Variants in ARHGAP29 observed in about 807,000 individuals in gnomAD.
The protein encoded by ARHGAP29 is rho GTPase-activating protein 29.
In ARHGAP29, 43 loss-of-function variants were observed where a neutral mutation model predicts 122.6. The observed-to-expected ratio is 0.35, with a 90% CI of 0.27 to 0.45. ARHGAP29 has a LOEUF of 0.45. Among genes scored for constraint, ARHGAP29 ranks in the 20% least tolerant of loss-of-function variants. The pLI, the probability that ARHGAP29 is intolerant of heterozygous loss-of-function variation, is 1.00. For missense variants in ARHGAP29, 1,303 were observed against 1,477.2 expected (o/e 0.88, Z 1.93); for synonymous variants, 506 against 497.1 (o/e 1.02, Z -0.24).
rs773448719 is a variant in ARHGAP29, at chr1:94,177,870, T to G, written c.2778A>C (p.Leu926=). 2 of 1,608,350 alleles carry G rather than the reference T, an allele frequency of 1.2e-6. No homozygotes were observed. The highest frequency in any genetic ancestry group is 1.7e-6 in the Non-Finnish European group (2 of 1,178,280). Residue 926 remains leucine (L), a synonymous_variant, in exon 21 of 23, where the codon CTA becomes CTC. Transcript: ENST00000260526. The part of the protein sequence containing the change: ...ERDIERSMKS[L]FFSSKEDIHT... ...AACTCACTTCCTTTGAAGAAAAAAA[T>G]AGTGACTTCATGGAACGTTCAATGT...
At chr1:94,289,024 A>T in the ARHGAP29 span, among the ~76,000 whole-genome samples, 1 of 152,202 alleles carries the variant, frequency 6.6e-6, no homozygotes, top group Non-Finnish European at 1.5e-5. Flanking sequence ...CAATTATGTG[A>T]AGAAAGACAG....
chr1:94,243,267 A>T (rs368861768), intron 1 of ARHGAP29, among the ~76,000 whole-genome samples: 45 of 152,194 alleles, frequency 3.0e-4, no homozygotes, highest in African/African-American at 9.9e-4. Context: ...TCAAATGTAT[A>T]TGGAATATTC....
rs1305083919 is a variant in ARHGAP29 at position 94,220,457 on chromosome 1, G to A, written c.206-65C>T. On this transcript the variant is annotated intron_variant, in intron 2 of 22. Coordinates refer to ENST00000260526, the MANE Select transcript of ARHGAP29 (RefSeq NM_004815.4). ...GTTCCACAAATCTAAACTACAAAAC[G>A]TCATCTGAAGCACATTTCAAGTAGA... 12 of 1,374,708 alleles carry A rather than the reference G, an allele frequency of 8.7e-6. 1 individual carries two copies. The highest frequency in any genetic ancestry group is 6.9e-5 in the South Asian group (5 of 72,414). The allele number at this position is 1,374,708 out of a possible 1,614,324, so 85.2% of individuals were successfully genotyped here. A position where few individuals can be genotyped will look rare whatever the true frequency, so the allele number is the denominator to read the frequency against.
intron 3 of ARHGAP29, among the ~76,000 whole-genome samples, chr1:94,210,379 G>A (rs2101545231): frequency 6.6e-6 from 1 of 152,284 alleles, no homozygotes; most frequent in Non-Finnish European, 1.5e-5. Context: ...AGATTTCATA[G>A]GTACGTGGTG....
chr1:94,177,529 GC>G, intron 22 of ARHGAP29, 82 bp downstream of exon 22: 2 of 1,005,024 alleles, frequency 2.0e-6, no homozygotes. Flanking sequence ...TTCCCTCATT[GC>G]CCCTCACCTT....
At chr1:94,182,502 C>T (rs1373719199) in intron 19 of ARHGAP29, among the ~76,000 whole-genome samples, 1 of 151,904 alleles carries the variant, frequency 6.6e-6, no homozygotes, top group Non-Finnish European at 1.5e-5. Context: ...AAAACACATA[C>T]TTATAAAATT....
chr1:94,190,072 G>A lies in ARHGAP29; in HGVS notation c.1293C>T (p.Asn431=). ...CCTGCAGATGCTGCATGTGGAAGAGGTTAACTGTTACCTATGGACCCAGAG... is the reference window on the plus strand; with the variant it reads ...CCTGCAGATGCTGCATGTGGAAGAGATTAACTGTTACCTATGGACCCAGAG... ...CDLTLKAVTV[N]LFHMQHLQAA... is the part of the protein sequence containing the mutation. The change falls in exon 13 of 23, where the codon AAC becomes AAT. Residue 431 remains asparagine, a synonymous_variant. Coordinates refer to ENST00000260526, the MANE Select transcript of ARHGAP29 (RefSeq NM_004815.4). The A allele has an allele frequency of 3.7e-6, 6 of 1,613,086 alleles. No homozygotes were observed. The highest frequency in any genetic ancestry group is 5.1e-6 in the Non-Finnish European group (6 of 1,179,388).
At chr1:94,269,765 A>G (rs1654919283) in intron 1 of ARHGAP29, among the ~76,000 whole-genome samples, 1 of 152,212 alleles carries the variant, frequency 6.6e-6, no homozygotes, top group African/African-American at 2.4e-5. Context: ...AAAGCTGACG[A>G]AATCATAGTT....
chr1:94,236,866 G>C (rs1056082461), intron 1 of ARHGAP29, among the ~76,000 whole-genome samples: 2 of 152,108 alleles, frequency 1.3e-5, no homozygotes, highest in African/African-American at 4.8e-5. Flanking sequence ...GCTGCAGTCA[G>C]GGCAGGTGGG....
chr1:94,295,896 A>C, the ARHGAP29 span, among the ~76,000 whole-genome samples: 1 of 152,208 alleles, frequency 6.6e-6, no homozygotes, highest in East Asian at 1.9e-4. Flanking sequence ...CAGTGGAACA[A>C]TTACCTTAGA....
chr1:94,296,088 T>C, the ARHGAP29 span, among the ~76,000 whole-genome samples: 1 of 152,134 alleles, frequency 6.6e-6, no homozygotes, highest in Non-Finnish European at 1.5e-5. Context: ...CAGTTACCCA[T>C]GGTCAACCAC....
At chr1:94,271,483 A>AT (rs1654992468) in intron 1 of ARHGAP29, among the ~76,000 whole-genome samples, 1 of 152,082 alleles carries the variant, frequency 6.6e-6, no homozygotes, top group Non-Finnish European at 1.5e-5. Context: ...CTATTGCTTC[A>AT]TTTTTGTTTC....
At chr1:94,251,963 G>A (rs1178381633) in intron 1 of ARHGAP29, among the ~76,000 whole-genome samples, 1 of 152,164 alleles carries the variant, frequency 6.6e-6, no homozygotes, top group African/African-American at 2.4e-5. Context: ...AAGGGACTCT[G>A]CCTGCTTTGT....
At chr1:94,289,893 C>T in the ARHGAP29 span, among the ~76,000 whole-genome samples, 1 of 152,138 alleles carries the variant, frequency 6.6e-6, no homozygotes, top group Non-Finnish European at 1.5e-5. Context: ...ATTCAGTTTG[C>T]CAGTATTTTA....
rs564075377 is a variant in ARHGAP29 at position 94,170,384 on chromosome 1, ATCC to A, written c.*3482_*3484del. Among the ~76,000 whole-genome samples the A allele has an allele frequency of 8.0e-4, 122 of 152,272 alleles. No homozygotes were observed. The highest frequency in any genetic ancestry group is 2.8e-3 in the African/African-American group (115 of 41,550). On this transcript the variant is annotated 3_prime_UTR_variant, in exon 23 of 23. Transcript: ENST00000260526. ...TGAGGAACTTTCTACAAACTGGCCA[ATCC>A]TCCTCAAGTGTCAAGGTCAAAGACA...
At chr1:94,275,807 C>G (rs539015267), upstream of ARHGAP29, among the ~76,000 whole-genome samples, 265 of 152,130 alleles carry the variant, frequency 1.7e-3, no homozygotes, top group Non-Finnish European at 1.2e-3. Flanking sequence ...AGAAAGTTTC[C>G]TATTTCTTGA....
chr1:94,203,003 G>A lies in ARHGAP29; in HGVS notation c.874-5C>T. ...ATTTTTCCTTCCAAGTAGAGGCTGT[G>A]AAAGGTATTTAAAATGGAAAAAGAG... On this transcript the variant is annotated splice_polypyrimidine_tract_variant and splice_region_variant and intron_variant, in intron 9 of 22. Transcript: ENST00000260526. 2 of 1,604,238 alleles carry A rather than the reference G, an allele frequency of 1.2e-6. No homozygotes were observed. Among genetic ancestry groups the A allele is most frequent in the Non-Finnish European group, 1.7e-6 (2 of 1,177,544 alleles).
the ARHGAP29 span, among the ~76,000 whole-genome samples, chr1:94,292,067 T>C: frequency 6.6e-6 from 1 of 152,234 alleles, no homozygotes. Flanking sequence ...GGTTCCATTC[T>C]CCCTGTCACT....
chr1:94,211,516 T>C lies in ARHGAP29; in HGVS notation c.341-2166A>G, dbSNP rs566106453. On this transcript the variant is annotated intron_variant, in intron 3 of 22. Transcript: ENST00000260526. Reference sequence around the variant, plus strand: ...CTATCTACCACCTTGACAAGACATTTATATGACACCCTACCTGACAAAGCA... The same window carrying C: ...CTATCTACCACCTTGACAAGACATTCATATGACACCCTACCTGACAAAGCA... Among the ~76,000 whole-genome samples, 11 of 152,198 alleles carry C rather than the reference T, an allele frequency of 7.2e-5. No homozygotes were observed. The South Asian group carries it at 2.3e-3, about 32-fold the overall frequency.
Sources: allele counts gnomAD v4.1 joint callset (sites outside exome capture counted in the v4.1 genomes callset), GRCh38; gene constraint gnomAD v4.1.1; transcripts MANE v1.5; gene names NCBI Gene and HGNC (gene_info 2026-07-23, HGNC 2026-07-21).